The following SEMA6D variants were observed in gnomAD, a reference collection of about 807,000 sequenced individuals.
The protein encoded by SEMA6D is semaphorin-6D.
SEMA6D carries 35 observed loss-of-function variants against 106.6 expected under a neutral mutation model. The ratio of observed to expected loss-of-function variants is 0.33; its 90% CI spans 0.25 to 0.44. SEMA6D has a LOEUF of 0.44. SEMA6D is among the 20% of genes least tolerant of loss of function. SEMA6D has a pLI of 1.00. For missense variants in SEMA6D, 1,185 were observed against 1,345.9 expected, an observed-to-expected ratio of 0.88 and a Z score of 1.87; for synonymous variants, 499 against 487.7, an observed-to-expected ratio of 1.02 and a Z score of -0.31.
intron 1 of SEMA6D, among the ~76,000 whole-genome samples, chr15:47,752,218 GAAAC>G (rs1057265422): frequency 1.6e-4 from 24 of 152,172 alleles, no homozygotes; most frequent in African/African-American, 5.5e-4. Flanking sequence ...AAACTAATGG[GAAAC>G]AAACAGGCAG....
rs140987596 is a variant in SEMA6D, at chr15:47,409,907, G to C, written c.-238-2486G>C. On this transcript the variant is annotated intron_variant, in intron 1 of 19. Coordinates refer to the SEMA6D transcript ENST00000558014. The stretch of plus-strand genomic sequence containing the variant: ...AACTATTTTCGGGGTTGTGGGGGGG[G>C]TGGGGAGGCAGGTCTTAGATTTTAG... 2.6e-5 allele frequency among the ~76,000 whole-genome samples: 4 copies of C among 151,392 alleles called. No homozygotes were observed. In the East Asian group the frequency reaches 7.8e-4, roughly 30 times the overall value.
At chr15:47,440,233 AAGAG>A (rs1203310770) in intron 2 of SEMA6D, among the ~76,000 whole-genome samples, 1 of 152,112 alleles carries the variant, frequency 6.6e-6, no homozygotes, top group Non-Finnish European at 1.5e-5. Context: ...GAAGAAATGA[AAGAG>A]AGAACTCAAA....
intron 3 of SEMA6D, among the ~76,000 whole-genome samples, chr15:47,474,719 G>A (rs2042954883): frequency 6.6e-6 from 1 of 152,196 alleles, no homozygotes; most frequent in Non-Finnish European, 1.5e-5. Context: ...GGCAAAAACA[G>A]TGATGCTCAG....
intron 4 of SEMA6D, among the ~76,000 whole-genome samples, chr15:47,668,442 T>G (rs547905116): frequency 6.6e-6 from 1 of 152,316 alleles, no homozygotes; most frequent in African/African-American, 2.4e-5. Context: ...AAGAGCTGCG[T>G]AATATATGAG....
At chr15:47,338,831 C>G (rs1486419432) in intron 1 of SEMA6D, among the ~76,000 whole-genome samples, 1 of 152,154 alleles carries the variant, frequency 6.6e-6, no homozygotes, top group African/African-American at 2.4e-5. Context: ...GTGACCTTCT[C>G]CTGTCGTCCT....
At chr15:47,383,279 G>T (rs1255587182) in intron 1 of SEMA6D, among the ~76,000 whole-genome samples, 1 of 152,166 alleles carries the variant, frequency 6.6e-6, no homozygotes, top group Non-Finnish European at 1.5e-5. Flanking sequence ...GAAGAGTTGT[G>T]GGCAAAGGTT....
At chr15:47,501,420 C>A (rs554121924) in intron 3 of SEMA6D, among the ~76,000 whole-genome samples, 9 of 152,218 alleles carry the variant, frequency 5.9e-5, no homozygotes, top group South Asian at 2.1e-4. Context: ...ATAGCAAAAA[C>A]CTGCAATGGA....
At chr15:47,484,280 A>G (rs1294181754) in intron 3 of SEMA6D, among the ~76,000 whole-genome samples, 1 of 152,130 alleles carries the variant, frequency 6.6e-6, no homozygotes, top group South Asian at 2.1e-4. Context: ...ATCGTGCAGT[A>G]CTTTGACATT....
chr15:47,551,380 TG>T (rs1247495903), intron 3 of SEMA6D, among the ~76,000 whole-genome samples: 49 of 152,258 alleles, frequency 3.2e-4, no homozygotes, highest in African/African-American at 1.1e-3. Flanking sequence ...ACCTTTTCAC[TG>T]TGACCTTAGA....
At chr15:47,220,223 G>A (rs1223468978) in intron 1 of SEMA6D, among the ~76,000 whole-genome samples, 1 of 152,144 alleles carries the variant, frequency 6.6e-6, no homozygotes, top group Non-Finnish European at 1.5e-5. Context: ...GGAAGAAGTG[G>A]AGAATTGGAG....
At chr15:47,323,209 G>C (rs765116176) in intron 1 of SEMA6D, among the ~76,000 whole-genome samples, 23 of 152,174 alleles carry the variant, frequency 1.5e-4, no homozygotes, top group Non-Finnish European at 2.6e-4. Flanking sequence ...TAGTAGGAAG[G>C]AGTGTTACAG....
chr15:47,354,331 A>G (rs561850492), intron 1 of SEMA6D, among the ~76,000 whole-genome samples: 126 of 147,590 alleles, frequency 8.5e-4, no homozygotes, highest in Admixed American at 1.5e-3. Context: ...ACACATGCAT[A>G]TATATGGAAT....
chr15:47,573,273 T>G (rs925065841), intron 3 of SEMA6D, among the ~76,000 whole-genome samples: 2 of 152,038 alleles, frequency 1.3e-5, no homozygotes, highest in African/African-American at 4.8e-5. Flanking sequence ...AGATTTGTTT[T>G]AAACAACTCA....
At chr15:47,560,025 A>G (rs1393665371) in intron 3 of SEMA6D, among the ~76,000 whole-genome samples, 1 of 152,144 alleles carries the variant, frequency 6.6e-6, no homozygotes. Flanking sequence ...GCTATAGTTT[A>G]CCATGGAGGC....
chr15:47,472,312 G>A (rs565442043), intron 3 of SEMA6D, among the ~76,000 whole-genome samples: 1 of 152,290 alleles, frequency 6.6e-6, no homozygotes, highest in South Asian at 2.1e-4. Flanking sequence ...TGCCCAGAAT[G>A]TGCCATGTCT....
At chr15:47,208,853 T>C (rs1895287243) in intron 1 of SEMA6D, among the ~76,000 whole-genome samples, 3 of 152,276 alleles carry the variant, frequency 2.0e-5, no homozygotes, top group South Asian at 2.1e-4. Context: ...ATAAATAAGA[T>C]TGGGTTGACC....
At chr15:47,372,531 T>C (rs956639993) in intron 1 of SEMA6D, among the ~76,000 whole-genome samples, 1 of 152,220 alleles carries the variant, frequency 6.6e-6, no homozygotes, top group Admixed American at 6.5e-5. Flanking sequence ...TAGCTCACCT[T>C]CCTGCCTCTG....
chr15:47,581,526 A>G (rs755739367), intron 3 of SEMA6D, among the ~76,000 whole-genome samples: 12 of 152,258 alleles, frequency 7.9e-5, no homozygotes, highest in Non-Finnish European at 1.5e-4. Context: ...TGACACCTGA[A>G]TAACAAGAAG....
intron 1 of SEMA6D, among the ~76,000 whole-genome samples, chr15:47,384,052 A>G (rs536725195): frequency 1.3e-5 from 2 of 152,310 alleles, no homozygotes; most frequent in South Asian, 2.1e-4. Context: ...GGGCCTTTAA[A>G]TACTTTTTAA....
Sources: gnomAD v4.1 joint callset for allele counts (sites outside exome capture counted in the v4.1 genomes callset) on GRCh38, gnomAD v4.1.1 for gene constraint, MANE v1.5 for transcripts, NCBI Gene and HGNC (gene_info 2026-07-23, HGNC 2026-07-21) for gene names.